Variants in PPP2CB observed in about 807,000 individuals in gnomAD.
PPP2CB encodes the protein serine/threonine-protein phosphatase 2A catalytic subunit beta isoform.
Under a neutral mutation model 39.1 loss-of-function variants are expected in PPP2CB, and 18 were observed. That is an observed-to-expected ratio of 0.46 (90% confidence interval 0.32 to 0.68). The LOEUF (loss-of-function observed/expected upper bound fraction) is 0.68. Ranked by LOEUF, PPP2CB falls within the 30% of genes least tolerant of loss-of-function variation. The pLI is 0.04. For synonymous variants in PPP2CB, 129 were observed against 133.8 expected (o/e 0.96, Z 0.25); for missense variants, 226 against 396.9 (o/e 0.57, Z 3.66).
At chr8:30,803,340 C>T (rs536876737) in intron 1 of PPP2CB, among the ~76,000 whole-genome samples, 1 of 151,936 alleles carries the variant, frequency 6.6e-6, no homozygotes, top group Non-Finnish European at 1.5e-5. Flanking sequence ...TCCAGGAGTT[C>T]AAGATCACCT....
chr8:30,799,350 C>T (rs1034278343), intron 2 of PPP2CB, among the ~76,000 whole-genome samples, 196 bp downstream of exon 2: 5 of 152,062 alleles, frequency 3.3e-5, no homozygotes, highest in African/African-American at 4.8e-5. Context: ...ATGGACTACT[C>T]GAGAGAATGA....
At chr8:30,798,743 T>C (rs1385468236) in intron 2 of PPP2CB, among the ~76,000 whole-genome samples, 8 of 152,176 alleles carry the variant, frequency 5.3e-5, no homozygotes, top group African/African-American at 1.4e-4. Flanking sequence ...TAGAAGGCAA[T>C]AAGCCACTTT....
At chr8:30,789,739 TGG>T (rs1806401240) in intron 6 of PPP2CB, among the ~76,000 whole-genome samples, 1 of 152,226 alleles carries the variant, frequency 6.6e-6, no homozygotes, top group Non-Finnish European at 1.5e-5. Context: ...ATACTAGTGA[TGG>T]TTACACCATT....
intron 1 of PPP2CB, among the ~76,000 whole-genome samples, chr8:30,805,138 A>C (rs1486763300): frequency 6.6e-6 from 1 of 152,210 alleles, no homozygotes; most frequent in Non-Finnish European, 1.5e-5. Context: ...CACAGGAACA[A>C]GCGCCTCTTT....
rs769622311 is a variant in PPP2CB, at chr8:30,812,440, C to G, written c.-19G>C. The G allele has an allele frequency of 4.7e-6, 7 of 1,502,418 alleles. No homozygotes were observed. The highest frequency in any genetic ancestry group is 6.2e-6 in the Non-Finnish European group (7 of 1,121,706). The allele number at this position is 1,502,418 out of a possible 1,614,324, so 93.1% of individuals were successfully genotyped here. A position where few individuals can be genotyped will look rare whatever the true frequency, so the allele number is the denominator to read the frequency against. ...CGTCCATGGCGGCCCGATCCCGATG[C>G]GGATCCCGAGCCCCAGCCCGGCCGC... On this transcript the variant is annotated 5_prime_UTR_variant, in exon 1 of 7. Transcript: ENST00000221138.
At chr8:30,788,487 T>G (rs1392868794) in intron 6 of PPP2CB, among the ~76,000 whole-genome samples, 1 of 152,206 alleles carries the variant, frequency 6.6e-6, no homozygotes, top group Non-Finnish European at 1.5e-5. Flanking sequence ...TGGCCTCAAG[T>G]GATCCTCCTA....
chr8:30,798,971 A>T (rs549501175), intron 2 of PPP2CB, among the ~76,000 whole-genome samples: 2 of 152,218 alleles, frequency 1.3e-5, no homozygotes, highest in Non-Finnish European at 2.9e-5. Flanking sequence ...CTTTGATTTG[A>T]GCCAGAGTTT....
intron 1 of PPP2CB, among the ~76,000 whole-genome samples, chr8:30,802,044 C>G (rs1331133466): frequency 6.6e-6 from 1 of 152,188 alleles, no homozygotes; most frequent in African/African-American, 2.4e-5. Context: ...TGATTCTAGG[C>G]TACCATGTAT....
chr8:30,791,779 T>C (rs1202543109), intron 5 of PPP2CB, among the ~76,000 whole-genome samples: 1 of 152,002 alleles, frequency 6.6e-6, no homozygotes, highest in African/African-American at 2.4e-5. Flanking sequence ...ATTCATATTA[T>C]TAGCTATAGT....
intron 1 of PPP2CB, among the ~76,000 whole-genome samples, chr8:30,800,835 G>A (rs1038761311): frequency 2.0e-5 from 3 of 152,118 alleles, no homozygotes; most frequent in African/African-American, 4.8e-5. Flanking sequence ...AGAAAACCAC[G>A]AAAGCTAAGA....
In PPP2CB at chr8:30,812,477, C is replaced by A; in HGVS notation, c.-56G>T. On this transcript the variant is annotated 5_prime_UTR_variant, in exon 1 of 7. In the 5' UTR this introduces an upstream ATG that the reference lacks. Transcript: ENST00000221138. ...CCCAGCCCGGCCGCCGCCCTCCCCC[C>A]TCCCCACCCGCCCCCGGCCCCGGCC... 2.3e-6 allele frequency: 3 copies of A among 1,320,978 alleles called. No individual in the cohort carries two copies. Among genetic ancestry groups the A allele is most frequent in the South Asian group, 1.4e-5 (1 of 69,814 alleles). The allele number at this position is 1,320,978 out of a possible 1,614,324, so 81.8% of individuals were successfully genotyped here. A position where few individuals can be genotyped will look rare whatever the true frequency, so the allele number is the denominator to read the frequency against.
At chr8:30,793,000 T>A (rs572059432) in intron 5 of PPP2CB, 1 of 152,334 alleles carries the variant, frequency 6.6e-6, no homozygotes, top group East Asian at 1.9e-4. Flanking sequence ...ATGTTGTTTA[T>A]GTTCCCTTAG....
At chr8:30,803,761 A>C (rs1188925252) in intron 1 of PPP2CB, among the ~76,000 whole-genome samples, 1 of 134,620 alleles carries the variant, frequency 7.4e-6, no homozygotes, top group Non-Finnish European at 1.5e-5. Flanking sequence ...AAGACCTTAA[A>C]CATTTTTAAA....
At chr8:30,807,857 A>G (rs1806749738) in intron 1 of PPP2CB, among the ~76,000 whole-genome samples, 1 of 152,228 alleles carries the variant, frequency 6.6e-6, no homozygotes, top group Admixed American at 6.5e-5. Flanking sequence ...TAGCTTCAAA[A>G]GCTGGATTGC....
intron 1 of PPP2CB, among the ~76,000 whole-genome samples, chr8:30,804,386 G>C (rs1180498429): frequency 6.6e-6 from 1 of 152,172 alleles, no homozygotes; most frequent in African/African-American, 2.4e-5. Flanking sequence ...TCTGCCTGGG[G>C]GCTCTGACCT....
Position 30,797,593 on chromosome 8 carries a change from T to C in PPP2CB, c.474A>G (p.Leu158=). ...DLFDYLPLTA[L]VDGQIFCLHG... The stretch of plus-strand genomic sequence containing the variant: ...CACATATACATACCTGTCCATCTAC[T>C]AAAGCTGTAAGTGGAAGATAATCAA... The change falls in exon 3 of 7, where the codon TTA becomes TTG. Residue 158 remains leucine (L), a synonymous_variant. Transcript: ENST00000221138. 6.2e-7 allele frequency: 1 copy of C among 1,613,240 alleles called. No individual in the cohort carries two copies. The highest frequency in any genetic ancestry group is 2.2e-5 in the East Asian group (1 of 44,858).
intron 6 of PPP2CB, among the ~76,000 whole-genome samples, chr8:30,790,356 A>C (rs1003316826): frequency 2.0e-5 from 3 of 152,182 alleles, no homozygotes; most frequent in Non-Finnish European, 4.4e-5. Flanking sequence ...TTGTTGAACA[A>C]CATGTTGCTC....
chr8:30,805,088 G>C (rs1806696457), intron 1 of PPP2CB, among the ~76,000 whole-genome samples: 1 of 152,168 alleles, frequency 6.6e-6, no homozygotes, highest in Non-Finnish European at 1.5e-5. Context: ...CACAGTGGCA[G>C]CATTCTGTCA....
intron 1 of PPP2CB, among the ~76,000 whole-genome samples, chr8:30,808,634 G>A (rs1314138421): frequency 6.6e-6 from 1 of 152,046 alleles, no homozygotes; most frequent in Non-Finnish European, 1.5e-5. Flanking sequence ...GAAAGGTAGG[G>A]CAAGTATTAA....
Sources: allele counts gnomAD v4.1 joint callset (sites outside exome capture counted in the v4.1 genomes callset), GRCh38; gene constraint gnomAD v4.1.1; transcripts MANE v1.5; gene names NCBI Gene and HGNC (gene_info 2026-07-23, HGNC 2026-07-21).